Variants in OTOGL observed in about 807,000 individuals in gnomAD.
OTOGL encodes the protein otogelin-like protein.
OTOGL carries 285 observed loss-of-function variants against 318.5 expected under a neutral mutation model. That is an observed-to-expected ratio of 0.89 (90% CI 0.81 to 0.99). The LOEUF is 0.99. Among genes scored for constraint, OTOGL ranks in the 50% least tolerant of loss-of-function variants. The pLI is 0.00. For synonymous variants in OTOGL, 987 were observed against 936.5 expected, an observed-to-expected ratio of 1.05 and a Z score of -0.99; for missense variants, 2,899 against 2,845.6, an observed-to-expected ratio of 1.02 and a Z score of -0.43.
chr12:80,248,684 T>C (rs2137479926), intron 11 of OTOGL, among the ~76,000 whole-genome samples: 1 of 142,428 alleles, frequency 7.0e-6, no homozygotes, highest in South Asian at 2.3e-4. Flanking sequence ...TGGTGTTCTC[T>C]GTATTTCCTG....
At chr12:80,128,666 C>T (rs1203422913) in intron 1 of OTOGL, among the ~76,000 whole-genome samples, 5 of 152,176 alleles carry the variant, frequency 3.3e-5, no homozygotes, top group Non-Finnish European at 5.9e-5. Flanking sequence ...GGCAGGCCTC[C>T]ATGAGCTGTG....
At chr12:80,304,386 G>A (rs1885971233) in intron 28 of OTOGL, among the ~76,000 whole-genome samples, 1 of 151,890 alleles carries the variant, frequency 6.6e-6, no homozygotes, top group African/African-American at 2.4e-5. Flanking sequence ...ATGTTTTAAA[G>A]TTGTTTGCAA....
intron 46 of OTOGL, among the ~76,000 whole-genome samples, chr12:80,353,972 TGGTACTATTATCTG>T (rs1425494927): frequency 4.6e-5 from 7 of 152,308 alleles, no homozygotes; most frequent in Non-Finnish European, 1.0e-4. Flanking sequence ...AAATGGCAGA[TGGTACTATTATCTG>T]GGTACTATGA....
intron 1 of OTOGL, among the ~76,000 whole-genome samples, chr12:80,178,508 C>A (rs944993616): frequency 4.6e-5 from 7 of 152,116 alleles, no homozygotes; most frequent in African/African-American, 7.2e-5. Flanking sequence ...TAGTACTTTT[C>A]CATATAAACT....
intron 1 of OTOGL, among the ~76,000 whole-genome samples, chr12:80,200,429 T>C (rs1876377484): frequency 6.6e-6 from 1 of 152,300 alleles, no homozygotes; most frequent in East Asian, 1.9e-4. Flanking sequence ...GTACTCCCCT[T>C]CTCCTTCATC....
chr12:80,237,880 T>C (rs1565919379), intron 9 of OTOGL, among the ~76,000 whole-genome samples: 1 of 152,212 alleles, frequency 6.6e-6, no homozygotes, highest in Non-Finnish European at 1.5e-5. Flanking sequence ...TTGTCATCAG[T>C]TGTTGACTTC....
In OTOGL at chr12:80,305,644, C is replaced by T; in HGVS notation, c.3282C>T (p.Asn1094=). 1 of 1,583,072 alleles carries T rather than the reference C, an allele frequency of 6.3e-7. No homozygotes were observed. Among genetic ancestry groups the T allele is most frequent in the Non-Finnish European group, 8.5e-7 (1 of 1,173,374 alleles). The change falls in exon 29 of 59, where the codon AAC becomes AAT. Residue 1094 remains asparagine, a synonymous_variant. Coordinates refer to ENST00000547103, the MANE Select transcript of OTOGL (RefSeq NM_001378609.3). ...CTSNDMTTSN[N]LEVRNARVFG... ...CAAATGATATGACCACATCTAATAACTTGGAAGTGAGAAATGCTCGGGTAT... is the reference window on the plus strand; with the variant it reads ...CAAATGATATGACCACATCTAATAATTTGGAAGTGAGAAATGCTCGGGTAT...
At chr12:80,244,226 T>C (rs1011563261) in intron 11 of OTOGL, among the ~76,000 whole-genome samples, 1 of 151,566 alleles carries the variant, frequency 6.6e-6, no homozygotes, top group East Asian at 1.9e-4. Flanking sequence ...TTGTGCAGGT[T>C]AGTTACATAT....
chr12:80,194,840 C>T (rs1201354179), intron 1 of OTOGL, among the ~76,000 whole-genome samples: 2 of 152,062 alleles, frequency 1.3e-5, no homozygotes, highest in Non-Finnish European at 2.9e-5. Context: ...AAATACCAAA[C>T]TGGAAACATT....
chr12:80,272,616 A>G (rs1355670401), intron 24 of OTOGL, among the ~76,000 whole-genome samples: 3 of 151,978 alleles, frequency 2.0e-5, no homozygotes, highest in African/African-American at 7.3e-5. Context: ...CAAACAGGTC[A>G]CCCATTCTTC....
intron 1 of OTOGL, among the ~76,000 whole-genome samples, chr12:80,153,406 G>T (rs1310007837): frequency 6.6e-6 from 1 of 152,016 alleles, no homozygotes; most frequent in Non-Finnish European, 1.5e-5. Flanking sequence ...ATCACATTGG[G>T]GATTAAGTTT....
At position 80,358,865 on chromosome 12, in the gene OTOGL, A is replaced by G; in HGVS notation, c.6232A>G (p.Asn2078Asp). The change falls in exon 52 of 59, where the codon AAC becomes GAC. Residue 2078 changes from asparagine (N) to aspartate (D), a missense_variant. Around this residue, in one of 3 missense-constraint regions of OTOGL, gnomAD observed 2,607 missense variants for 2,524.9 expected, o/e 1.03. Coordinates refer to ENST00000547103, the MANE Select transcript of OTOGL (RefSeq NM_001378609.3). ...TGTTGATTTTTGCCTTTTAGAATGT[A>G]ACTGTGAAAACCTTATTATGCCAAC... is the stretch of plus-strand genomic sequence containing the variant. Reference protein sequence around the residue: ...QCCPTWHCECNCENLIMPTCE... With the variant: ...QCCPTWHCECDCENLIMPTCE... 6.6e-7 allele frequency: 1 copy of G among 1,518,994 alleles called. No homozygotes were observed. The highest frequency in any genetic ancestry group is 1.4e-5 in the African/African-American group (1 of 72,568). The allele number at this position is 1,518,994 out of a possible 1,614,324, so 94.1% of individuals were successfully genotyped here.
chr12:80,345,582 A>G (rs938376410), intron 44 of OTOGL, among the ~76,000 whole-genome samples: 1 of 152,160 alleles, frequency 6.6e-6, no homozygotes, highest in Non-Finnish European at 1.5e-5. Flanking sequence ...ATAATTTTTC[A>G]TCATGGAAAG....
chr12:80,155,236 C>T (rs1423962318), intron 1 of OTOGL, among the ~76,000 whole-genome samples: 1 of 152,306 alleles, frequency 6.6e-6, no homozygotes, highest in East Asian at 1.9e-4. Flanking sequence ...TTTGTCTTCT[C>T]ATTCTCTTTA....
chr12:80,172,951 G>A (rs907884828), intron 1 of OTOGL, among the ~76,000 whole-genome samples: 1 of 152,138 alleles, frequency 6.6e-6, no homozygotes, highest in Non-Finnish European at 1.5e-5. Flanking sequence ...TGTGGGAGGA[G>A]GGAGCACATC....
intron 1 of OTOGL, among the ~76,000 whole-genome samples, 163 bp from the exon 2 acceptor site, chr12:80,209,250 C>T (rs1877050519): frequency 6.6e-6 from 1 of 152,082 alleles, no homozygotes. Flanking sequence ...GGGTTGTCTG[C>T]AAGTTCTAAA....
chr12:80,107,196 TTAAA>T (rs1869505682), intron 1 of OTOGL, among the ~76,000 whole-genome samples: 1 of 152,052 alleles, frequency 6.6e-6, no homozygotes, highest in African/African-American at 2.4e-5. Context: ...ATTCAAAGAG[TTAAA>T]AGCAACAAGC....
intron 24 of OTOGL, among the ~76,000 whole-genome samples, chr12:80,275,337 G>A (rs1416097227): frequency 6.6e-6 from 1 of 151,934 alleles, no homozygotes; most frequent in East Asian, 1.9e-4. Flanking sequence ...GGAAGTAACT[G>A]CAGATGCAAA....
intron 38 of OTOGL, among the ~76,000 whole-genome samples, chr12:80,335,334 G>A (rs1054508238): frequency 1.3e-5 from 2 of 151,992 alleles, no homozygotes; most frequent in Admixed American, 1.3e-4. Context: ...ACCTTAGAGG[G>A]TTAAGAGAAT....
Sources: gnomAD v4.1 joint callset for allele counts (sites outside exome capture counted in the v4.1 genomes callset) on GRCh38, gnomAD v4.1.1 for gene constraint, gnomAD v4.1.1 regional missense constraint, MANE v1.5 for transcripts, NCBI Gene and HGNC (gene_info 2026-07-23, HGNC 2026-07-21) for gene names.